THRA: variants seen among roughly 807,000 people sequenced by gnomAD.
THRA encodes the protein thyroid hormone receptor alpha, also known as EAR-7.
THRA carries 13 observed loss-of-function variants against 45.0 expected under a neutral mutation model. That is an observed-to-expected ratio of 0.29 (90% CI 0.19 to 0.46). The LOEUF is 0.46. THRA is among the 20% of genes least tolerant of loss of function. The pLI is 1.00. For missense variants in THRA, 278 were observed against 556.1 expected (o/e 0.50, Z 5.03); for synonymous variants, 195 against 214.0 (o/e 0.91, Z 0.78).
intron 1 of THRA, among the ~76,000 whole-genome samples, chr17:40,069,175 C>G: frequency 6.9e-6 from 1 of 145,870 alleles, no homozygotes; most frequent in East Asian, 2.1e-4. Flanking sequence ...CCCTCCTTCT[C>G]TCCCTCCCTC....
chr17:40,075,839 C>T (rs1384228346), intron 2 of THRA, among the ~76,000 whole-genome samples: 1 of 152,178 alleles, frequency 6.6e-6, no homozygotes, highest in Non-Finnish European at 1.5e-5. Context: ...GACCTTTCAG[C>T]CTCATAGGAA....
At chr17:40,093,240 T>C (rs751134983), downstream of THRA, 27 of 1,613,588 alleles carry the variant, frequency 1.7e-5, no homozygotes, top group Non-Finnish European at 5.1e-6. The surrounding 1 kb of genome is among the most constrained non-coding windows in gnomAD (Gnocchi z 5.9). Context: ...CAGCGTCTCC[T>C]GGAGCTGCTC....
chr17:40,089,396 G>A lies in THRA; in HGVS notation c.1173G>A (p.Glu391=). The A allele has an allele frequency of 6.2e-7, 1 of 1,614,012 alleles. No homozygotes were observed. The highest frequency in any genetic ancestry group is 8.5e-7 in the Non-Finnish European group (1 of 1,180,026). The change falls in exon 9 of 9, where the codon GAG becomes GAA. Residue 391 remains glutamate (E), a synonymous_variant. Transcript: ENST00000450525. The surrounding 1 kb of genome is among the most constrained non-coding windows in gnomAD (Gnocchi z 6.1). ...HASRFLHMKV[E]CPTELFPPLF... ...GCCGCTTCCTCCACATGAAAGTCGA[G>A]TGCCCCACCGAACTCTTCCCCCCAC...
At chr17:40,066,718 A>T (rs548732849) in intron 1 of THRA, among the ~76,000 whole-genome samples, 10 of 151,804 alleles carry the variant, frequency 6.6e-5, no homozygotes, top group African/African-American at 2.4e-4. Flanking sequence ...TTATCTATCA[A>T]GCAGGTGATA....
At chr17:40,087,002 A>G (rs1296870528) in intron 7 of THRA, 149 bp downstream of exon 7, 3 of 1,034,382 alleles carry the variant, frequency 2.9e-6, no homozygotes, top group Non-Finnish European at 4.2e-6. Flanking sequence ...AGACACACAC[A>G]CACACATGCA....
intron 7 of THRA, among the ~76,000 whole-genome samples, chr17:40,087,656 C>T (rs2038952295): frequency 6.6e-6 from 1 of 152,250 alleles, no homozygotes; most frequent in African/African-American, 2.4e-5. Flanking sequence ...ACAGGCTGCC[C>T]TACTAGCCAT....
At chr17:40,077,479 G>GCCTTCCTCCATCCTTT in intron 3 of THRA, 29 bp from the exon 4 acceptor site, 1 of 1,600,108 alleles carries the variant, frequency 6.2e-7, no homozygotes, top group Non-Finnish European at 8.6e-7. Flanking sequence ...AGCCATGCCT[G>GCCTTCCTCCATCCTTT]CCTTCCTCCA....
intron 2 of THRA, among the ~76,000 whole-genome samples, chr17:40,076,630 G>A (rs1185221600): frequency 2.6e-5 from 4 of 152,168 alleles, no homozygotes; most frequent in Admixed American, 6.5e-5. Context: ...GCGGGTGAAT[G>A]TGTGTGTGTT....
In THRA at chr17:40,086,757, G is replaced by A; in HGVS notation, c.627G>A (p.Lys209=). ...TTGTCTCCATGCCGGACGGAGACAA[G>A]GTGGACCTGGAAGCCTTCAGCGAGT... The part of the protein sequence containing the change: ...SPIVSMPDGD[K]VDLEAFSEFT... The change falls in exon 7 of 9, where the codon AAG becomes AAA. Residue 209 remains lysine, a synonymous_variant. Transcript: ENST00000450525. The A allele has an allele frequency of 6.2e-7, 1 of 1,614,172 alleles. No individual in the cohort carries two copies. Among genetic ancestry groups the A allele is most frequent in the Non-Finnish European group, 8.5e-7 (1 of 1,180,020 alleles).
intron 7 of THRA, 58 bp downstream of exon 7, chr17:40,086,911 C>T (rs879470064): frequency 2.6e-5 from 41 of 1,604,110 alleles, no homozygotes; most frequent in East Asian, 6.7e-5. Context: ...CCTGCTCCCC[C>T]GGTCACCCAG....
In THRA at chr17:40,089,178, C is replaced by T. The variant is rs375373416; in HGVS notation, c.983-28C>T. ...ATCTCCAGGCCTTCGGCCAGCCCCT[C>T]GCCCCTCACGCCCCTCTTCCCTCAC... On this transcript the variant is annotated intron_variant, in intron 8 of 8. Coordinates refer to ENST00000450525, the MANE Select transcript of THRA (RefSeq NM_199334.5). This position sits in a 1 kb window ranked among gnomAD's most constrained non-coding sequence, Gnocchi z 6.1. The T allele has an allele frequency of 5.6e-6, 9 of 1,608,056 alleles. No individual in the cohort carries two copies. The highest frequency in any genetic ancestry group is 1.3e-5 in the African/African-American group (1 of 74,804).
At chr17:40,064,143 G>A (rs1175755666) in intron 1 of THRA, among the ~76,000 whole-genome samples, 2 of 152,166 alleles carry the variant, frequency 1.3e-5, no homozygotes, top group Non-Finnish European at 2.9e-5. Flanking sequence ...CCCACATGGG[G>A]ACAAGGGAAG....
At chr17:40,072,963 C>T (rs1356137376) in intron 1 of THRA, among the ~76,000 whole-genome samples, 2 of 152,220 alleles carry the variant, frequency 1.3e-5, no homozygotes, top group Admixed American at 6.5e-5. Context: ...AGAGGTAGAA[C>T]GGGCCACTTT....
chr17:40,084,744 C>T lies in THRA; in HGVS notation c.505C>T (p.His169Tyr), dbSNP rs957977250. 3.1e-6 allele frequency: 5 copies of T among 1,613,962 alleles called. No homozygotes were observed. In the African/African-American group the frequency reaches 6.7e-5, roughly 22 times the overall value. The change falls in exon 6 of 9, where the codon CAC becomes TAC. Residue 169 changes from histidine to tyrosine, a missense_variant. Around this residue, in one of 6 missense-constraint regions of THRA, gnomAD observed 111 missense variants for 167.1 expected, o/e 0.66. Coordinates refer to ENST00000450525, the MANE Select transcript of THRA (RefSeq NM_199334.5). The part of the protein sequence containing the change: ...EPTPEEWDLI[H>Y]IATEAHRSTN... ...CACTCCTGAAGAGTGGGATCTGATC[C>T]ACATTGCCACAGAGGCCCATCGCAG...
In THRA at chr17:40,088,577, C is replaced by T; in HGVS notation, c.982+77C>T. 6 of 1,519,858 alleles carry T rather than the reference C, an allele frequency of 3.9e-6. No homozygotes were observed. In the South Asian group the frequency reaches 7.6e-5, roughly 19 times the overall value. 94.1% of individuals were successfully genotyped at this position (1,519,858 alleles called of 1,614,324 possible). A position where few individuals can be genotyped will look rare whatever the true frequency, so the allele number is the denominator to read the frequency against. Reference sequence around the variant, plus strand: ...TTGGCTGGACCCTGGGCCTGTTGCTCAACTCCCTCCTGAATCTTCTTCTGG... The same window carrying T: ...TTGGCTGGACCCTGGGCCTGTTGCTTAACTCCCTCCTGAATCTTCTTCTGG... On this transcript the variant is annotated intron_variant, in intron 8 of 8. Coordinates refer to ENST00000450525, the MANE Select transcript of THRA (RefSeq NM_199334.5).
At chr17:40,085,524 G>A (rs1987291296) in intron 6 of THRA, among the ~76,000 whole-genome samples, 1 of 151,966 alleles carries the variant, frequency 6.6e-6, no homozygotes, top group African/African-American at 2.4e-5. Context: ...AGTAGAGACA[G>A]GGTTTCACCA....
intron 7 of THRA, among the ~76,000 whole-genome samples, chr17:40,087,461 A>C (rs139911534): frequency 7.3e-5 from 11 of 151,720 alleles, no homozygotes; most frequent in Non-Finnish European, 1.5e-4. Context: ...AGATACATAC[A>C]GACACACACA....
chr17:40,090,028 TAGAC>T lies in THRA; in HGVS notation c.*576_*579del. 2 of 987,266 alleles carry T rather than the reference TAGAC, an allele frequency of 2.0e-6. No individual in the cohort carries two copies. Among genetic ancestry groups the T allele is most frequent in the Non-Finnish European group, 2.4e-6 (2 of 830,948 alleles). The allele number at this position is 987,266 out of a possible 1,614,324, so 61.2% of individuals were successfully genotyped here. A position where few individuals can be genotyped will look rare whatever the true frequency, so the allele number is the denominator to read the frequency against. On this transcript the variant is annotated 3_prime_UTR_variant, in exon 9 of 9. Coordinates refer to ENST00000450525, the MANE Select transcript of THRA (RefSeq NM_199334.5). Reference sequence around the variant, plus strand: ...GGGGAGAAGACAAATGAAGAAAAACTAGACAGAGAGAAAAATACAAAAAAGAGAG... The same window carrying T: ...GGGGAGAAGACAAATGAAGAAAAACTAGAGAGAAAAATACAAAAAAGAGAG...
chr17:40,092,355 A>T lies in THRA; in HGVS notation c.*2899A>T, dbSNP rs1987605090. On this transcript the variant is annotated 3_prime_UTR_variant, in exon 9 of 9. Transcript: ENST00000450525. Reference sequence around the variant, plus strand: ...GGACACTGCCCAGAGGCGCTACTGAATGTATGAGAAGCTGGTGCTGGGCTG... The same window carrying T: ...GGACACTGCCCAGAGGCGCTACTGATTGTATGAGAAGCTGGTGCTGGGCTG... The T allele has an allele frequency of 7.1e-6, 1 of 140,074 alleles. No individual in the cohort carries two copies. Among genetic ancestry groups the T allele is most frequent in the Non-Finnish European group, 1.5e-5 (1 of 64,536 alleles). 8.7% of individuals were successfully genotyped at this position (140,074 alleles called of 1,614,324 possible).
Sources: gnomAD v4.1 joint callset for allele counts (sites outside exome capture counted in the v4.1 genomes callset) on GRCh38, gnomAD v4.1.1 for gene constraint, gnomAD v4.1.1 regional missense constraint, Gnocchi (gnomAD v3.1) non-coding constraint, MANE v1.5 for transcripts, NCBI Gene and HGNC (gene_info 2026-07-23, HGNC 2026-07-21) for gene names.